The following CACNB2 variants were observed in gnomAD, a reference collection of about 807,000 sequenced individuals.
CACNB2 encodes the protein calcium voltage-gated channel auxiliary subunit beta 2.
CACNB2 carries 42 observed loss-of-function variants against 73.3 expected under a neutral mutation model. The ratio of observed to expected loss-of-function variants is 0.57; its 90% CI spans 0.45 to 0.74. CACNB2 has a LOEUF of 0.74. Among genes scored for constraint, CACNB2 ranks in the 30% least tolerant of loss-of-function variants. CACNB2 has a pLI of 0.00. For missense variants in CACNB2, 940 were observed against 853.0 expected (o/e 1.10, Z -1.27); for synonymous variants, 348 against 310.3 (o/e 1.12, Z -1.28).
rs59858946 is a variant in CACNB2 at position 18,495,545 on chromosome 10, CTGTGTGTGTGTGTGTG to C, written c.334-2778_334-2763del. Reference sequence around the variant, plus strand: ...AAATATATTTTTAAAAGTATAAAAACTGTGTGTGTGTGTGTGTGTGTGTGTGTGTGTGTGTGTGTGT... The same window carrying C: ...AAATATATTTTTAAAAGTATAAAAACTGTGTGTGTGTGTGTGTGTGTGTGT... On this transcript the variant is annotated intron_variant, in intron 3 of 13. Transcript: ENST00000324631. Among the ~76,000 whole-genome samples the C allele has an allele frequency of 6.4e-4, 80 of 124,678 alleles. 2 individuals are homozygous for C. Among genetic ancestry groups the C allele is most frequent in the South Asian group, 3.9e-3 (15 of 3,866 alleles). The allele number at this position is 124,678 out of a possible 152,430, so 81.8% of individuals were successfully genotyped here.
At chr10:18,492,694 G>T (rs2049527126) in intron 3 of CACNB2, among the ~76,000 whole-genome samples, 1 of 151,596 alleles carries the variant, frequency 6.6e-6, no homozygotes. Flanking sequence ...CTTACCATTT[G>T]CTCAAGTCCC....
rs1221103308 is a variant in CACNB2, at chr10:18,220,166, C to A, written c.213+69191C>A. Among the ~76,000 whole-genome samples the A allele has an allele frequency of 2.4e-3, 188 of 79,090 alleles. 32 individuals carry two copies. Among genetic ancestry groups the A allele is most frequent in the African/African-American group, 0.015 (182 of 12,200 alleles). 51.9% of individuals were successfully genotyped at this position (79,090 alleles called of 152,430 possible). A position where few individuals can be genotyped will look rare whatever the true frequency, so the allele number is the denominator to read the frequency against. ...ATATATATATATATACACACACACA[C>A]ACACACATACATATATATACATATA... On this transcript the variant is annotated intron_variant, in intron 2 of 13. Coordinates refer to ENST00000324631, the MANE Select transcript of CACNB2 (RefSeq NM_201596.3).
chr10:18,272,711 G>A (rs570751563), intron 2 of CACNB2, among the ~76,000 whole-genome samples: 101 of 152,264 alleles, frequency 6.6e-4, no homozygotes, highest in African/African-American at 2.2e-3. Context: ...CTTATCCGCC[G>A]CCATGTAAGA....
intron 3 of CACNB2, among the ~76,000 whole-genome samples, chr10:18,407,022 T>C (rs2044324646): frequency 6.6e-6 from 1 of 151,528 alleles, no homozygotes; most frequent in African/African-American, 2.4e-5. Context: ...AATTAGCTGG[T>C]TATAGTATTC....
Position 18,175,364 on chromosome 10 carries a change from C to T in CACNB2, c.213+24389C>T, listed in dbSNP as rs1326861745. ...AAATACGCAGCTGGCCACCTTTTTG[C>T]TACTAGTTTACTTTGTCGCATATAA... On this transcript the variant is annotated intron_variant, in intron 2 of 13. Transcript: ENST00000324631. Among the ~76,000 whole-genome samples, 8 of 152,240 alleles carry T rather than the reference C, an allele frequency of 5.3e-5. No individual in the cohort carries two copies. In the East Asian group the frequency reaches 1.5e-3, roughly 29 times the overall value.
At chr10:18,395,473 G>A (rs1390266015) in intron 2 of CACNB2, among the ~76,000 whole-genome samples, 2 of 151,938 alleles carry the variant, frequency 1.3e-5, no homozygotes, top group African/African-American at 4.8e-5. Flanking sequence ...CCTTCACTGA[G>A]ATATTAAGTT....
At chr10:18,529,947 A>T (rs1293366222) in intron 10 of CACNB2, among the ~76,000 whole-genome samples, 1 of 152,254 alleles carries the variant, frequency 6.6e-6, no homozygotes, top group Non-Finnish European at 1.5e-5. Flanking sequence ...GTGAGGCCTC[A>T]CAATCATGGT....
At chr10:18,272,283 A>C (rs1187766729) in intron 2 of CACNB2, among the ~76,000 whole-genome samples, 1 of 152,178 alleles carries the variant, frequency 6.6e-6, no homozygotes, top group Non-Finnish European at 1.5e-5. Context: ...GCTCGTAGTT[A>C]AGGGAGACAG....
rs188007245 is a variant in CACNB2, at chr10:18,497,637, C to T, written c.334-718C>T. Among the ~76,000 whole-genome samples, 11 of 152,220 alleles carry T rather than the reference C, an allele frequency of 7.2e-5. No individual in the cohort carries two copies. In the East Asian group the frequency reaches 1.4e-3, roughly 19 times the overall value. On this transcript the variant is annotated intron_variant, in intron 3 of 13. Transcript: ENST00000324631. ...AAGAGGTCTTGCTATGTTGCCCAGG[C>T]TGATCTTGAACTCCTAGGGTCAAGC...
chr10:18,320,902 C>T (rs904491334), intron 2 of CACNB2, among the ~76,000 whole-genome samples: 2 of 152,036 alleles, frequency 1.3e-5, no homozygotes, highest in Admixed American at 1.3e-4. Context: ...TCCAAGAAAC[C>T]AAGGATTTGA....
intron 2 of CACNB2, among the ~76,000 whole-genome samples, chr10:18,205,746 A>G (rs955526207): frequency 2.6e-5 from 4 of 152,062 alleles, no homozygotes; most frequent in East Asian, 3.9e-4. Context: ...ACTGGAGTGG[A>G]GAGAAGAGGG....
intron 2 of CACNB2, among the ~76,000 whole-genome samples, chr10:18,265,149 CTTTTTT>C (rs34442607): frequency 1.7e-5 from 2 of 120,960 alleles, no homozygotes; most frequent in African/African-American, 6.1e-5. Context: ...TGGCCATCTT[CTTTTTT>C]TTTTTTTTTT....
intron 7 of CACNB2, among the ~76,000 whole-genome samples, chr10:18,517,343 AT>A (rs2051382324): frequency 6.6e-6 from 1 of 152,200 alleles, no homozygotes; most frequent in Non-Finnish European, 1.5e-5. Context: ...AAAAGAGCCA[AT>A]TTTAATATAA....
At chr10:18,225,268 G>A (rs1273714845) in intron 2 of CACNB2, among the ~76,000 whole-genome samples, 7 of 152,014 alleles carry the variant, frequency 4.6e-5, no homozygotes, top group Non-Finnish European at 1.0e-4. Flanking sequence ...GGTAAAGCCT[G>A]GAGAGACAGG....
intron 2 of CACNB2, among the ~76,000 whole-genome samples, chr10:18,213,929 A>G (rs2035413878): frequency 6.6e-6 from 1 of 152,328 alleles, no homozygotes; most frequent in African/African-American, 2.4e-5. Flanking sequence ...TACGGTAGCT[A>G]CTTATTATTT....
intron 3 of CACNB2, among the ~76,000 whole-genome samples, chr10:18,468,730 G>C (rs2048029036): frequency 6.6e-6 from 1 of 152,034 alleles, no homozygotes; most frequent in African/African-American, 2.4e-5. Flanking sequence ...CTGTGGAGTA[G>C]CTGGGATTAT....
At chr10:18,313,215 G>A (rs1420710274) in intron 2 of CACNB2, among the ~76,000 whole-genome samples, 1 of 151,202 alleles carries the variant, frequency 6.6e-6, no homozygotes, top group East Asian at 1.9e-4. Flanking sequence ...CACTAGCACT[G>A]AGCAATATTT....
intron 10 of CACNB2, chr10:18,533,267 T>G (rs1054526083): frequency 6.6e-5 from 10 of 152,114 alleles, no homozygotes; most frequent in African/African-American, 1.9e-4. Flanking sequence ...TTTTAAAAAT[T>G]TACACGCCTG....
At chr10:18,183,772 G>T (rs1194116451) in intron 2 of CACNB2, among the ~76,000 whole-genome samples, 1 of 152,150 alleles carries the variant, frequency 6.6e-6, no homozygotes. Flanking sequence ...GAAGTGCAGG[G>T]ATTCTCCTAG....
Sources: gnomAD v4.1 joint callset for allele counts (sites outside exome capture counted in the v4.1 genomes callset) on GRCh38, gnomAD v4.1.1 for gene constraint, MANE v1.5 for transcripts, NCBI Gene and HGNC (gene_info 2026-07-23, HGNC 2026-07-21) for gene names.